WRNIP1: variants seen among roughly 807,000 people sequenced by gnomAD.
WRNIP1 encodes the protein WRN helicase interacting protein 1, also known as ATPase WRNIP1.
Under a neutral mutation model 56.1 loss-of-function variants are expected in WRNIP1, and 41 were observed. The observed-to-expected ratio is 0.73, with a 90% CI of 0.57 to 0.95. The LOEUF (loss-of-function observed/expected upper bound fraction) is 0.95, where lower values mean the gene tolerates loss of function less well. Among genes scored for constraint, WRNIP1 ranks in the 40% least tolerant of loss-of-function variants. The pLI is 0.00. For missense variants in WRNIP1, 1,170 were observed against 939.4 expected (o/e 1.25, Z -3.21); for synonymous variants, 547 against 398.1 (o/e 1.37, Z -4.45).
intron 3 of WRNIP1, among the ~76,000 whole-genome samples, chr6:2,778,231 G>A (rs1374348138): frequency 6.6e-6 from 1 of 152,170 alleles, no homozygotes; most frequent in Non-Finnish European, 1.5e-5. Flanking sequence ...CCAGGTAGCT[G>A]ATTCGGACAG....
At position 2,783,588 on chromosome 6, in the gene WRNIP1, T is replaced by G. The variant is rs374564857; in HGVS notation, c.1642+27T>G. On this transcript the variant is annotated intron_variant, in intron 5 of 6. Coordinates refer to ENST00000380773, the MANE Select transcript of WRNIP1 (RefSeq NM_020135.3). ...TGAGTGTGATGGGAGGGTCCCGGAG[T>G]CCTATGTCCATGAGGGTGGGGAAAT... 5 of 1,510,804 alleles carry G rather than the reference T, an allele frequency of 3.3e-6. No homozygotes were observed. The South Asian group carries it at 4.9e-5, about 15-fold the overall frequency. The allele number at this position is 1,510,804 out of a possible 1,614,324, so 93.6% of individuals were successfully genotyped here.
At position 2,765,967 on chromosome 6, in the gene WRNIP1, C is replaced by G; in HGVS notation, c.345C>G (p.Pro115=). The part of the protein sequence containing the change: ...TESRESYDAP[P]TPSGARLIPD... ...GCCGCGAGAGCTACGACGCGCCGCCCACACCCAGCGGCGCCCGCCTTATCC... is the reference window on the plus strand; with the variant it reads ...GCCGCGAGAGCTACGACGCGCCGCCGACACCCAGCGGCGCCCGCCTTATCC... The change falls in exon 1 of 7, where the codon CCC becomes CCG. Residue 115 remains proline (P), a synonymous_variant. Coordinates refer to ENST00000380773, the MANE Select transcript of WRNIP1 (RefSeq NM_020135.3). 7.1e-7 allele frequency: 1 copy of G among 1,418,424 alleles called. No individual in the cohort carries two copies. The highest frequency in any genetic ancestry group is 9.2e-7 in the Non-Finnish European group (1 of 1,085,350). 87.9% of individuals were successfully genotyped at this position (1,418,424 alleles called of 1,614,324 possible).
Position 2,786,054 on chromosome 6 carries a change from C to T in WRNIP1, c.*772C>T, listed in dbSNP as rs1261027704. The stretch of plus-strand genomic sequence containing the variant: ...CGTTTTTCTTTTACTTTATGTGTGT[C>T]CTGAACACAAAATACGCCACTCCTT... On this transcript the variant is annotated 3_prime_UTR_variant, in exon 7 of 7. Transcript: ENST00000380773. The T allele has an allele frequency of 6.6e-6, 1 of 150,704 alleles. No homozygotes were observed. The highest frequency in any genetic ancestry group is 1.5e-5 in the Non-Finnish European group (1 of 67,802). 9.3% of individuals were successfully genotyped at this position (150,704 alleles called of 1,614,324 possible). A position where few individuals can be genotyped will look rare whatever the true frequency, so the allele number is the denominator to read the frequency against.
chr6:2,779,204 T>A, intron 3 of WRNIP1, 59 bp from the exon 4 acceptor site: 1 of 1,554,436 alleles, frequency 6.4e-7, no homozygotes, highest in East Asian at 2.2e-5. Flanking sequence ...CTAAGACATG[T>A]GCAGAACAAG....
intron 3 of WRNIP1, among the ~76,000 whole-genome samples, chr6:2,775,345 T>G (rs1053538243): frequency 6.6e-6 from 1 of 152,222 alleles, no homozygotes; most frequent in Non-Finnish European, 1.5e-5. Flanking sequence ...CCCTGGAGAT[T>G]TGAGCTCAGT....
At chr6:2,770,433 G>C in intron 3 of WRNIP1, 72 bp downstream of exon 3, 1 of 1,585,168 alleles carries the variant, frequency 6.3e-7, no homozygotes, top group East Asian at 2.3e-5. Flanking sequence ...GGCCAGAAAG[G>C]GCCGGGCGTC....
Position 2,766,357 on chromosome 6 carries a change from C to G in WRNIP1, c.735C>G (p.Ala245=), listed in dbSNP as rs761768977. 5.0e-6 allele frequency: 8 copies of G among 1,610,196 alleles called. No individual in the cohort carries two copies. Among genetic ancestry groups the G allele is most frequent in the South Asian group, 1.1e-5 (1 of 90,438 alleles). ...AGGATTACTTCGGGCAGAGCAAGGC[C>G]GTGGGCCAGGATACCCTGCTGCGCT... is the stretch of plus-strand genomic sequence containing the variant. ...TLQDYFGQSK[A]VGQDTLLRSL... The change falls in exon 1 of 7, where the codon GCC becomes GCG. Residue 245 remains alanine (A), a synonymous_variant. Coordinates refer to ENST00000380773, the MANE Select transcript of WRNIP1 (RefSeq NM_020135.3).
intron 3 of WRNIP1, among the ~76,000 whole-genome samples, chr6:2,775,846 G>A (rs1240078626): frequency 6.6e-6 from 1 of 152,120 alleles, no homozygotes; most frequent in Non-Finnish European, 1.5e-5. Flanking sequence ...ATTATAAATA[G>A]TGTTTTATTA....
chr6:2,768,299 C>T (rs1765116709), intron 1 of WRNIP1, among the ~76,000 whole-genome samples: 2 of 152,180 alleles, frequency 1.3e-5, no homozygotes, highest in Non-Finnish European at 2.9e-5. Flanking sequence ...CACCTAGATC[C>T]TTCCGTGCTG....
Position 2,765,979 on chromosome 6 carries a change from C to T in WRNIP1, c.357C>T (p.Gly119=), listed in dbSNP as rs754058104. Residue 119 remains glycine (G), a synonymous_variant, in exon 1 of 7, where the codon GGC becomes GGT. Transcript: ENST00000380773. ...ACGACGCGCCGCCCACACCCAGCGG[C>T]GCCCGCCTTATCCCCGACTTCCCGG... ...ESYDAPPTPS[G]ARLIPDFPVA... 5 of 1,401,086 alleles carry T rather than the reference C, an allele frequency of 3.6e-6. No homozygotes were observed. Among genetic ancestry groups the T allele is most frequent in the South Asian group, 3.0e-5 (2 of 66,794 alleles). The allele number at this position is 1,401,086 out of a possible 1,614,324, so 86.8% of individuals were successfully genotyped here.
rs201935505 is a variant in WRNIP1 at position 2,785,246 on chromosome 6, G to C, written c.1962G>C (p.Leu654Phe). ...ATCAGGAGTACCTGCCTGAAGAGTT[G>C]AGGGGGGTAGATTTCTTCAAGCAGA... is the stretch of plus-strand genomic sequence containing the variant. Reference protein sequence around the residue: ...PVDQEYLPEELRGVDFFKQRR... With the variant: ...PVDQEYLPEEFRGVDFFKQRR... The change falls in exon 7 of 7, where the codon TTG (leucine) becomes TTC (phenylalanine). Residue 654 changes from leucine to phenylalanine, a missense_variant. Coordinates refer to ENST00000380773, the MANE Select transcript of WRNIP1 (RefSeq NM_020135.3). 1 of 1,614,076 alleles carries C rather than the reference G, an allele frequency of 6.2e-7. No homozygotes were observed. Among genetic ancestry groups the C allele is most frequent in the East Asian group, 2.2e-5 (1 of 44,872 alleles).
intron 2 of WRNIP1, 102 bp downstream of exon 2, chr6:2,768,984 C>G: frequency 1.4e-5 from 17 of 1,207,910 alleles, no homozygotes; most frequent in Non-Finnish European, 1.9e-5. Flanking sequence ...GCTTTGTTTA[C>G]AAAGAAGCGT....
At chr6:2,783,653 T>TTTTTTGTGG in intron 5 of WRNIP1, 92 bp downstream of exon 5, 4 of 120,096 alleles carry the variant, frequency 3.3e-5, no homozygotes, top group Non-Finnish European at 4.5e-5. Flanking sequence ...TTTTTTTTTT[T>TTTTTTGTGG]GCAGGGCGGG....
At chr6:2,766,765 C>T (rs1026434381) in intron 1 of WRNIP1, among the ~76,000 whole-genome samples, 1 of 151,662 alleles carries the variant, frequency 6.6e-6, no homozygotes, top group African/African-American at 2.4e-5. Context: ...CCCGCCCCCT[C>T]CCCAGACTTT....
chr6:2,767,900 A>G (rs1765095871), intron 1 of WRNIP1, among the ~76,000 whole-genome samples: 1 of 152,228 alleles, frequency 6.6e-6, no homozygotes, highest in Non-Finnish European at 1.5e-5. Context: ...TTCTGAAAGA[A>G]GCAGCCACAG....
rs991367658 is a variant in WRNIP1, at chr6:2,785,519, T to C, written c.*237T>C. Reference sequence around the variant, plus strand: ...TGCTTATGAAAATACCTGGCAGCTTTGTGCAATGAATTAATGTTATAAGGA... The same window carrying C: ...TGCTTATGAAAATACCTGGCAGCTTCGTGCAATGAATTAATGTTATAAGGA... On this transcript the variant is annotated 3_prime_UTR_variant, in exon 7 of 7. Transcript: ENST00000380773. The C allele has an allele frequency of 5.1e-4, 272 of 534,828 alleles. 1 individual carries two copies. Among genetic ancestry groups the C allele is most frequent in the African/African-American group, 4.8e-3 (255 of 53,152 alleles). The allele number at this position is 534,828 out of a possible 1,614,324, so 33.1% of individuals were successfully genotyped here. A position where few individuals can be genotyped will look rare whatever the true frequency, so the allele number is the denominator to read the frequency against.
intron 4 of WRNIP1, 109 bp downstream of exon 4, chr6:2,779,601 A>C (rs985325605): frequency 7.4e-4 from 838 of 1,128,130 alleles, no homozygotes; most frequent in Non-Finnish European, 8.8e-4. Flanking sequence ...AGCTGGGTCC[A>C]GAGCATTCCA....
At chr6:2,782,708 T>C (rs541157538) in intron 4 of WRNIP1, among the ~76,000 whole-genome samples, 15 of 152,352 alleles carry the variant, frequency 9.8e-5, no homozygotes, top group Non-Finnish European at 1.9e-4. Flanking sequence ...TTTTTTGCCC[T>C]TAAATATGCC....
chr6:2,767,421 C>T (rs1197084449), intron 1 of WRNIP1, among the ~76,000 whole-genome samples: 3 of 152,210 alleles, frequency 2.0e-5, no homozygotes, highest in African/African-American at 7.2e-5. Context: ...GATTTTTCTC[C>T]TATTTTTCTT....
Sources: gnomAD v4.1 joint callset for allele counts (sites outside exome capture counted in the v4.1 genomes callset) on GRCh38, gnomAD v4.1.1 for gene constraint, MANE v1.5 for transcripts, NCBI Gene and HGNC (gene_info 2026-07-23, HGNC 2026-07-21) for gene names.